Variants in CNBD1 observed in about 807,000 individuals in gnomAD.
The protein encoded by CNBD1 is cyclic nucleotide binding domain containing 1.
CNBD1 carries 71 observed loss-of-function variants against 54.4 expected under a neutral mutation model. The ratio of observed to expected loss-of-function variants is 1.30; its 90% CI spans 1.08 to 1.59. The LOEUF (loss-of-function observed/expected upper bound fraction) is 1.59, where lower values mean the gene tolerates loss of function less well. Among genes scored for constraint, CNBD1 ranks in the 40% most tolerant of loss-of-function variants. The pLI, the probability that CNBD1 is intolerant of heterozygous loss-of-function variation, is 0.00. For missense variants in CNBD1, 659 were observed against 518.0 expected (o/e 1.27, Z -2.64); for synonymous variants, 182 against 170.7 (o/e 1.07, Z -0.51).
intron 6 of CNBD1, among the ~76,000 whole-genome samples, chr8:87,247,584 A>T (rs1807831167): frequency 6.6e-6 from 1 of 151,960 alleles, no homozygotes; most frequent in Non-Finnish European, 1.5e-5. Flanking sequence ...AAGTTTTGCG[A>T]TCCATTCTGC....
chr8:87,083,585 C>CCTT (rs1563461724), intron 4 of CNBD1, among the ~76,000 whole-genome samples: 5 of 117,160 alleles, frequency 4.3e-5, no homozygotes, highest in African/African-American at 3.3e-5. Flanking sequence ...CAATGTATTT[C>CCTT]TTTTTTTTTT....
intron 2 of CNBD1, among the ~76,000 whole-genome samples, chr8:87,404,399 A>G (rs574753316): frequency 2.0e-5 from 3 of 152,218 alleles, no homozygotes; most frequent in Admixed American, 1.3e-4. Context: ...TTAAGTGGCA[A>G]TATCCTGACC....
chr8:87,200,636 G>A (rs139491811), intron 4 of CNBD1, among the ~76,000 whole-genome samples: 82 of 152,102 alleles, frequency 5.4e-4, no homozygotes, highest in Non-Finnish European at 7.8e-4. Flanking sequence ...GTAATAAACC[G>A]TATGCTAACA....
chr8:87,317,275 C>T (rs752131890), intron 8 of CNBD1, among the ~76,000 whole-genome samples: 2 of 151,284 alleles, frequency 1.3e-5, no homozygotes, highest in African/African-American at 2.4e-5. Flanking sequence ...GGAAGTAGCT[C>T]AAGTTGTTGA....
At position 86,964,969 on chromosome 8, in the gene CNBD1, AG is replaced by A. The variant is rs564800328; in HGVS notation, c.431+25217del. Among the ~76,000 whole-genome samples the A allele has an allele frequency of 3.3e-5, 5 of 152,292 alleles. No individual in the cohort carries two copies. The East Asian group carries it at 9.7e-4, about 29-fold the overall frequency. The stretch of plus-strand genomic sequence containing the variant: ...TGTTTATGGAAAAGCTTTCTTCTTG[AG>A]GCAATGCTTCTTTTCTGTGCCTCAA... On this transcript the variant is annotated intron_variant, in intron 4 of 10. Coordinates refer to ENST00000518476, the MANE Select transcript of CNBD1 (RefSeq NM_173538.3).
At chr8:87,331,735 A>G (rs1809836602) in intron 8 of CNBD1, among the ~76,000 whole-genome samples, 1 of 152,164 alleles carries the variant, frequency 6.6e-6, no homozygotes, top group African/African-American at 2.4e-5. Flanking sequence ...TTGTTGGTTT[A>G]CTTTTTAATA....
intron 4 of CNBD1, among the ~76,000 whole-genome samples, chr8:86,964,905 G>A (rs11994408): frequency 6.6e-6 from 1 of 152,036 alleles, no homozygotes. Context: ...AATAGTCCAA[G>A]GTCCCTTCAC....
At chr8:87,392,288 A>T (rs1436481925) in intron 2 of CNBD1, among the ~76,000 whole-genome samples, 2 of 152,044 alleles carry the variant, frequency 1.3e-5, no homozygotes, top group Non-Finnish European at 2.9e-5. Context: ...ATTACTGAGC[A>T]TTTCTACTTC....
At chr8:87,310,960 A>C (rs374078805) in intron 8 of CNBD1, among the ~76,000 whole-genome samples, 1 of 152,230 alleles carries the variant, frequency 6.6e-6, no homozygotes, top group Non-Finnish European at 1.5e-5. Flanking sequence ...CGAGATGGAG[A>C]GAAGACTGAA....
chr8:87,306,144 A>G (rs1809138129), intron 8 of CNBD1, among the ~76,000 whole-genome samples: 1 of 152,208 alleles, frequency 6.6e-6, no homozygotes. Flanking sequence ...CAACAAACAT[A>G]TGAAAAGATG....
intron 4 of CNBD1, among the ~76,000 whole-genome samples, chr8:87,136,986 G>A (rs192713378): frequency 3.2e-4 from 18 of 56,142 alleles, no homozygotes; most frequent in Non-Finnish European, 4.3e-4. Flanking sequence ...TATATTCTAT[G>A]TAAATTATAT....
chr8:87,022,055 C>T (rs1809498633), intron 4 of CNBD1, among the ~76,000 whole-genome samples: 1 of 152,078 alleles, frequency 6.6e-6, no homozygotes, highest in South Asian at 2.1e-4. Context: ...ACAGATTAAG[C>T]ATAAAATGCA....
chr8:87,302,546 A>C (rs1340321492), intron 8 of CNBD1, among the ~76,000 whole-genome samples: 1 of 151,908 alleles, frequency 6.6e-6, no homozygotes, highest in Non-Finnish European at 1.5e-5. Flanking sequence ...ATGGGCAAAA[A>C]CTGGAAGCAT....
At chr8:87,353,952 G>A in intron 10 of CNBD1, 166 bp downstream of exon 10, 1 of 503,178 alleles carries the variant, frequency 2.0e-6, no homozygotes, top group Non-Finnish European at 3.5e-6. Flanking sequence ...CTCTCTTGGT[G>A]AATTTTGAAA....
intron 3 of CNBD1, among the ~76,000 whole-genome samples, chr8:86,933,931 ATAAT>A (rs1406155138): frequency 6.6e-6 from 1 of 152,168 alleles, no homozygotes; most frequent in African/African-American, 2.4e-5. Flanking sequence ...TAATCCATAA[ATAAT>A]TGGATGTTAT....
chr8:86,994,680 C>A (rs1213498904), intron 4 of CNBD1, among the ~76,000 whole-genome samples: 1 of 152,060 alleles, frequency 6.6e-6, no homozygotes, highest in Non-Finnish European at 1.5e-5. Flanking sequence ...CTAGCTCTAA[C>A]ATTTGAGTAC....
intron 4 of CNBD1, among the ~76,000 whole-genome samples, chr8:87,097,578 G>A (rs1319429432): frequency 6.6e-6 from 1 of 152,210 alleles, no homozygotes; most frequent in Non-Finnish European, 1.5e-5. Context: ...TTTGATGTAT[G>A]TCTTGTAGGG....
intron 4 of CNBD1, among the ~76,000 whole-genome samples, chr8:87,145,959 T>C (rs534397477): frequency 1.3e-5 from 2 of 152,232 alleles, no homozygotes; most frequent in South Asian, 4.1e-4. Context: ...TATAGAAAAA[T>C]ATTGGTTGTA....
In CNBD1 at chr8:87,406,518, C is replaced by T. The variant is rs561097755; in HGVS notation, c.214-22028C>T. On this transcript the variant is annotated intron_variant, in intron 2 of 7. Transcript: ENST00000521593. The stretch of plus-strand genomic sequence containing the variant: ...TTTTTGAGACAGAATCTGGCTCTGT[C>T]ACCTAGGCTGGAGTTCAGTGGCACG... 1.0e-3 allele frequency among the ~76,000 whole-genome samples: 146 copies of T among 145,742 alleles called. 4 individuals carry two copies. In the South Asian group the frequency reaches 0.03, roughly 30 times the overall value.
Sources: allele counts gnomAD v4.1 joint callset (sites outside exome capture counted in the v4.1 genomes callset), GRCh38; gene constraint gnomAD v4.1.1; transcripts MANE v1.5; gene names NCBI Gene and HGNC (gene_info 2026-07-23, HGNC 2026-07-21).